Variants in RIT1 observed in about 807,000 individuals in gnomAD.
RIT1 encodes the protein GTP-binding protein Rit1.
In RIT1, 6 loss-of-function variants were observed where a neutral mutation model predicts 25.6. That is an observed-to-expected ratio of 0.23 (90% confidence interval 0.13 to 0.46). The LOEUF (loss-of-function observed/expected upper bound fraction) is 0.46, where lower values mean the gene tolerates loss of function less well. Ranked by LOEUF, RIT1 falls within the 20% of genes least tolerant of loss-of-function variation. The probability of loss-of-function intolerance (pLI) is 0.99; values close to 1 mark genes in which losing one functional copy is unlikely to be tolerated. For missense variants in RIT1, 219 were observed against 284.4 expected, an observed-to-expected ratio of 0.77 and a Z score of 1.65; for synonymous variants, 81 against 94.1, an observed-to-expected ratio of 0.86 and a Z score of 0.80.
Position 155,911,286 on chromosome 1 carries a change from T to A in RIT1, c.-87A>T. On this transcript the variant is annotated 5_prime_UTR_variant, in exon 1 of 6. Coordinates refer to ENST00000368323, the MANE Select transcript of RIT1 (RefSeq NM_006912.6). ...GCTGCTCCTACTGGTCAGTGGGGAC[T>A]GGAACACCACAGCCGGTCGGGTCAC... 1 of 245,870 alleles carries A rather than the reference T, an allele frequency of 4.1e-6. No homozygotes were observed. The highest frequency in any genetic ancestry group is 4.9e-5 in the South Asian group (1 of 20,508). 15.2% of individuals were successfully genotyped at this position (245,870 alleles called of 1,614,324 possible).
At position 155,898,518 on chromosome 1, in the gene RIT1, A is replaced by AAAAAAAT. The variant is rs1557956996; in HGVS notation, c.*1869_*1870insATTTTTT. 4 of 40,752 alleles carry AAAAAAAT rather than the reference A, an allele frequency of 9.8e-5. No individual in the cohort carries two copies. The highest frequency in any genetic ancestry group is 3.1e-4 in the African/African-American group (4 of 13,096). 2.5% of individuals were successfully genotyped at this position (40,752 alleles called of 1,614,324 possible). On this transcript the variant is annotated 3_prime_UTR_variant, in exon 6 of 6. Coordinates refer to ENST00000368323, the MANE Select transcript of RIT1 (RefSeq NM_006912.6). ...AAAAAAAAAAAAAAAAAAAAAAAAA[A>AAAAAAAT]ATATATATATATATATATATATATA...
intron 3 of RIT1, among the ~76,000 whole-genome samples, chr1:155,906,162 G>A (rs948125869): frequency 2.0e-5 from 3 of 151,862 alleles, no homozygotes; most frequent in East Asian, 1.9e-4. Flanking sequence ...CCACAGTTTC[G>A]TAATTTCTCT....
At chr1:155,908,562 A>ATTTT (rs397745289) in intron 3 of RIT1, among the ~76,000 whole-genome samples, 1 of 139,972 alleles carries the variant, frequency 7.1e-6, no homozygotes. Flanking sequence ...TCTCTGAACA[A>ATTTT]TTTTTTTTTT....
At position 155,898,128 on chromosome 1, in the gene RIT1, A is replaced by C. The variant is rs1309906270; in HGVS notation, c.*2260T>G. ...AGATAAAGCTGATTACTTAGAGCTT[A>C]TAAATTAGCTACACTTTATGACACT... On this transcript the variant is annotated 3_prime_UTR_variant, in exon 6 of 6. Coordinates refer to ENST00000368323, the MANE Select transcript of RIT1 (RefSeq NM_006912.6). 1 of 152,292 alleles carries C rather than the reference A, an allele frequency of 6.6e-6. No homozygotes were observed. Among genetic ancestry groups the C allele is most frequent in the Non-Finnish European group, 1.5e-5 (1 of 68,036 alleles). The allele number at this position is 152,292 out of a possible 1,614,324, so 9.4% of individuals were successfully genotyped here. A position where few individuals can be genotyped will look rare whatever the true frequency, so the allele number is the denominator to read the frequency against.
At chr1:155,903,044 T>C (rs1673346184) in intron 5 of RIT1, among the ~76,000 whole-genome samples, 1 of 151,952 alleles carries the variant, frequency 6.6e-6, no homozygotes, top group Admixed American at 6.6e-5. Context: ...ATGCCTGTAA[T>C]CCCAGCACTT....
Position 155,910,716 on chromosome 1 carries a change from C to A in RIT1, c.46G>T (p.Ala16Ser). 6.2e-7 allele frequency: 1 copy of A among 1,614,252 alleles called. No individual in the cohort carries two copies. The highest frequency in any genetic ancestry group is 1.6e-4 in the Middle Eastern group (1 of 6,062). ...AGTTTGTACTCCCGTGAGAGCCCAGCGGGGCTGCTACAGCAGCTACCAACT... is the reference window on the plus strand; with the variant it reads ...AGTTTGTACTCCCGTGAGAGCCCAGAGGGGCTGCTACAGCAGCTACCAACT... ...RPVGSCCSSP[A>S]GLSREYKLVM... The change falls in exon 2 of 6, where the codon GCT becomes TCT. Residue 16 changes from alanine (A) to serine (S), a missense_variant. Coordinates refer to ENST00000368323, the MANE Select transcript of RIT1 (RefSeq NM_006912.6).
intron 3 of RIT1, among the ~76,000 whole-genome samples, chr1:155,906,758 G>A (rs1421870834): frequency 2.3e-4 from 17 of 73,272 alleles, no homozygotes; most frequent in South Asian, 1.1e-3. Context: ...GAAATTCTCC[G>A]TCTCAAAAAA....
intron 3 of RIT1, among the ~76,000 whole-genome samples, chr1:155,906,793 GAAA>G (rs1255035045): frequency 7.0e-6 from 1 of 143,636 alleles, no homozygotes; most frequent in Non-Finnish European, 1.5e-5. Context: ...AAGAAAAAAA[GAAA>G]AAAAAAGAAA....
At position 155,898,740 on chromosome 1, in the gene RIT1, G is replaced by A. The variant is rs1045436499; in HGVS notation, c.*1648C>T. The A allele has an allele frequency of 1.6e-5, 3 of 191,872 alleles. No individual in the cohort carries two copies. The highest frequency in any genetic ancestry group is 1.1e-5 in the Non-Finnish European group (1 of 91,850). 11.9% of individuals were successfully genotyped at this position (191,872 alleles called of 1,614,324 possible). On this transcript the variant is annotated 3_prime_UTR_variant, in exon 6 of 6. Coordinates refer to ENST00000368323, the MANE Select transcript of RIT1 (RefSeq NM_006912.6). ...GTGTCCTGCACAGAATCAAATGCTA[G>A]GTCTTTCACTTTTGGATGGCTGAGT...
At chr1:155,910,255 AAG>A in intron 3 of RIT1, 193 bp downstream of exon 3, 1 of 585,178 alleles carries the variant, frequency 1.7e-6, no homozygotes, top group Non-Finnish European at 3.0e-6. Flanking sequence ...ACAAAGACTA[AAG>A]ATGGCTTATG....
chr1:155,910,493 C>T lies in RIT1; in HGVS notation c.120G>A (p.Gln40=), dbSNP rs1015730634. Residue 40 remains glutamine (Q), a synonymous_variant, in exon 3 of 6, where the codon CAG becomes CAA. Transcript: ENST00000368323. Reference sequence around the variant, plus strand: ...CTTCTGGGAATCGGTGGCTGATGAACTGCATGGTCATGGCTTCAAAAGAAG... The same window carrying T: ...CTTCTGGGAATCGGTGGCTGATGAATTGCATGGTCATGGCTTCAAAAGAAG... ...GGVGKSAMTM[Q]FISHRFPEDH... is the part of the protein sequence containing the mutation. 20 of 1,614,070 alleles carry T rather than the reference C, an allele frequency of 1.2e-5. No individual in the cohort carries two copies. The highest frequency in any genetic ancestry group is 1.7e-5 in the Non-Finnish European group (20 of 1,180,014).
intron 3 of RIT1, 62 bp downstream of exon 3, chr1:155,910,388 T>C: frequency 7.4e-7 from 1 of 1,352,330 alleles, no homozygotes; most frequent in South Asian, 1.2e-5. Flanking sequence ...TAGAAACTAC[T>C]GATATTCATT....
chr1:155,898,949 T>C lies in RIT1; in HGVS notation c.*1439A>G. 1 of 212,764 alleles carries C rather than the reference T, an allele frequency of 4.7e-6. No homozygotes were observed. Among genetic ancestry groups the C allele is most frequent in the South Asian group, 1.9e-4 (1 of 5,352 alleles). 13.2% of individuals were successfully genotyped at this position (212,764 alleles called of 1,614,324 possible). On this transcript the variant is annotated 3_prime_UTR_variant, in exon 6 of 6. Coordinates refer to ENST00000368323, the MANE Select transcript of RIT1 (RefSeq NM_006912.6). The stretch of plus-strand genomic sequence containing the variant: ...AAAAATGGAAAATATTAAGATGAGC[T>C]GTGTGCTTATAAAGAGGTGCTACAC...
intron 1 of RIT1, 121 bp downstream of exon 1, chr1:155,911,122 T>C: frequency 1.7e-6 from 1 of 573,308 alleles, no homozygotes; most frequent in Non-Finnish European, 3.0e-6. Context: ...TGCGGCCCCT[T>C]AGGCCGCAGG....
chr1:155,910,509 T>C lies in RIT1; in HGVS notation c.107-3A>G. On this transcript the variant is annotated splice_polypyrimidine_tract_variant and splice_region_variant and intron_variant, in intron 2 of 5. Coordinates refer to ENST00000368323, the MANE Select transcript of RIT1 (RefSeq NM_006912.6). ...GCTGATGAACTGCATGGTCATGGCT[T>C]CAAAAGAAGAAATAAAAGTCAAATC... The C allele has an allele frequency of 6.2e-7, 1 of 1,614,150 alleles. No homozygotes were observed. Among genetic ancestry groups the C allele is most frequent in the Non-Finnish European group, 8.5e-7 (1 of 1,179,996 alleles).
chr1:155,904,587 A>C (rs772560836), intron 4 of RIT1, 85 bp from the exon 5 acceptor site: 1 of 1,346,184 alleles, frequency 7.4e-7, no homozygotes, highest in Non-Finnish European at 1.0e-6. Flanking sequence ...GATTAAAGAA[A>C]ACGCATGTCG....
At chr1:155,904,997 G>C (rs1461510276) in intron 3 of RIT1, among the ~76,000 whole-genome samples, 193 bp from the exon 4 acceptor site, 2 of 152,150 alleles carry the variant, frequency 1.3e-5, no homozygotes, top group African/African-American at 2.4e-5. Flanking sequence ...CATAGGTGAT[G>C]ATGTAGTTTA....
intron 3 of RIT1, 200 bp downstream of exon 3, chr1:155,910,250 G>C (rs921252895): frequency 1.7e-6 from 1 of 576,406 alleles, no homozygotes; most frequent in African/African-American, 1.9e-5. Flanking sequence ...AAGAGACAAA[G>C]ACTAAAGATG....
rs1302294798 is a variant in RIT1, at chr1:155,898,491, T to TAAAAA, written c.*1896_*1897insTTTTT. Reference sequence around the variant, plus strand: ...CAACATAGTGAAACCTCATCTCTATTTAAAAAAAAAAAAAAAAAAAAAAAA... The same window carrying TAAAAA: ...CAACATAGTGAAACCTCATCTCTATTAAAAATAAAAAAAAAAAAAAAAAAAAAAAA... On this transcript the variant is annotated 3_prime_UTR_variant, in exon 6 of 6. Transcript: ENST00000368323. 5.1e-5 allele frequency: 3 copies of TAAAAA among 58,936 alleles called. No individual in the cohort carries two copies. The highest frequency in any genetic ancestry group is 2.2e-4 in the African/African-American group (3 of 13,658). 3.7% of individuals were successfully genotyped at this position (58,936 alleles called of 1,614,324 possible). A position where few individuals can be genotyped will look rare whatever the true frequency, so the allele number is the denominator to read the frequency against.
Sources: gnomAD v4.1 joint callset for allele counts (sites outside exome capture counted in the v4.1 genomes callset) on GRCh38, gnomAD v4.1.1 for gene constraint, MANE v1.5 for transcripts, NCBI Gene and HGNC (gene_info 2026-07-23, HGNC 2026-07-21) for gene names.